KCNG3: variants seen among roughly 807,000 people sequenced by gnomAD.
KCNG3 encodes potassium voltage-gated channel modifier subfamily G member 3, also known as voltage-gated potassium channel regulatory subunit KCNG3.
A neutral mutation model predicts 29.0 loss-of-function variants in KCNG3; 15 were observed. That is an observed-to-expected ratio of 0.52 (90% CI 0.35 to 0.80). The LOEUF is 0.80. KCNG3 is among the 30% of genes least tolerant of loss of function. The pLI is 0.01. For synonymous variants in KCNG3, 322 were observed against 248.9 expected (o/e 1.29, Z -2.76); for missense variants, 512 against 605.7 (o/e 0.85, Z 1.62).
chr2:42,471,525 G>A (rs1051778874), intron 1 of KCNG3, among the ~76,000 whole-genome samples: 6 of 152,112 alleles, frequency 3.9e-5, no homozygotes, highest in Admixed American at 3.3e-4. Flanking sequence ...CTAACAAGTA[G>A]GTTTCTTTTT....
At chr2:42,396,697 T>C in the KCNG3 span, among the ~76,000 whole-genome samples, 3 of 152,072 alleles carry the variant, frequency 2.0e-5, no homozygotes, top group African/African-American at 7.2e-5. Flanking sequence ...GCAGGACAGA[T>C]TGAAGTTGGG....
chr2:42,480,519 G>A (rs945786389), intron 1 of KCNG3, among the ~76,000 whole-genome samples: 5 of 152,112 alleles, frequency 3.3e-5, no homozygotes, highest in Non-Finnish European at 7.4e-5. Context: ...AAAGTAGTAG[G>A]AAAGCTGCCA....
chr2:42,395,648 A>C, the KCNG3 span, among the ~76,000 whole-genome samples: 6 of 152,172 alleles, frequency 3.9e-5, no homozygotes, highest in African/African-American at 2.4e-5. Context: ...TAAATTGAAA[A>C]TGTTGTAAAT....
At chr2:42,462,861 T>G (rs922748473) in intron 1 of KCNG3, among the ~76,000 whole-genome samples, 2 of 152,144 alleles carry the variant, frequency 1.3e-5, no homozygotes, top group Non-Finnish European at 2.9e-5. Flanking sequence ...ATAATCATCT[T>G]CCACTTGCAG....
Position 42,452,239 on chromosome 2 carries a change from ATATATT to A in KCNG3, c.666-7666_666-7661del, listed in dbSNP as rs1269711390. On this transcript the variant is annotated intron_variant, in intron 1 of 1. Coordinates refer to ENST00000306078, the MANE Select transcript of KCNG3 (RefSeq NM_133329.6). ...GTGGTAAATATATATATATATATAT[ATATATT>A]TTTTTTTTTTTTTTAAAGGAAACAG... Among the ~76,000 whole-genome samples the A allele has an allele frequency of 9.7e-3, 670 of 69,236 alleles. 4 individuals carry two copies. Among genetic ancestry groups the A allele is most frequent in the African/African-American group, 0.032 (634 of 20,084 alleles). 45.4% of individuals were successfully genotyped at this position (69,236 alleles called of 152,430 possible). A position where few individuals can be genotyped will look rare whatever the true frequency, so the allele number is the denominator to read the frequency against.
chr2:42,422,140 G>A, the KCNG3 span, among the ~76,000 whole-genome samples: 1 of 152,154 alleles, frequency 6.6e-6, no homozygotes, highest in East Asian at 1.9e-4. Flanking sequence ...ATTACCAATT[G>A]CTACGGTTTG....
the KCNG3 span, among the ~76,000 whole-genome samples, chr2:42,421,960 G>C: frequency 1.8e-3 from 267 of 152,248 alleles, no homozygotes; most frequent in African/African-American, 6.3e-3. Flanking sequence ...TGGTAACCAA[G>C]ATGTTATTAC....
intron 1 of KCNG3, among the ~76,000 whole-genome samples, chr2:42,458,051 T>C (rs1302449686): frequency 2.0e-5 from 3 of 152,190 alleles, no homozygotes; most frequent in Non-Finnish European, 4.4e-5. Flanking sequence ...TGGATGTCCC[T>C]ATATAGCTAC....
At chr2:42,471,587 G>A (rs1452848418) in intron 1 of KCNG3, among the ~76,000 whole-genome samples, 9 of 152,048 alleles carry the variant, frequency 5.9e-5, no homozygotes, top group East Asian at 1.9e-4. Flanking sequence ...AATGTAGTGC[G>A]TATCATAAAA....
chr2:42,399,598 A>G, the KCNG3 span, among the ~76,000 whole-genome samples: 6 of 152,194 alleles, frequency 3.9e-5, no homozygotes, highest in Admixed American at 1.3e-4. Flanking sequence ...AAAATTTCAG[A>G]AACAAACTAG....
At chr2:42,416,552 G>C in the KCNG3 span, among the ~76,000 whole-genome samples, 6 of 152,134 alleles carry the variant, frequency 3.9e-5, no homozygotes, top group Non-Finnish European at 7.4e-5. Flanking sequence ...ATTTAGGCTG[G>C]GCACGGTGGC....
At chr2:42,472,307 G>A (rs541843713) in intron 1 of KCNG3, among the ~76,000 whole-genome samples, 25 of 152,258 alleles carry the variant, frequency 1.6e-4, no homozygotes, top group Middle Eastern at 6.8e-3. Flanking sequence ...GAACTAAAAA[G>A]GCAAGCTCTG....
At chr2:42,407,763 T>C in the KCNG3 span, among the ~76,000 whole-genome samples, 2 of 151,318 alleles carry the variant, frequency 1.3e-5, no homozygotes, top group African/African-American at 4.9e-5. Context: ...CCCTGTGCTC[T>C]TGCAGGTGCC....
At chr2:42,428,458 G>GAAAAAAAAAAA in the KCNG3 span, among the ~76,000 whole-genome samples, 5 of 104,520 alleles carry the variant, frequency 4.8e-5, no homozygotes, top group Non-Finnish European at 5.7e-5. Flanking sequence ...CCCGGTCTCG[G>GAAAAAAAAAAA]GAAAAAAAAA....
At position 42,444,988 on chromosome 2, in the gene KCNG3, C is replaced by A. The variant is rs1672565149; in HGVS notation, c.666-409G>T. On this transcript the variant is annotated intron_variant, in intron 1 of 1. Transcript: ENST00000306078. The surrounding 1 kb of genome is among the most constrained non-coding windows in gnomAD (Gnocchi z 5.8). ...GGCTAAGGTGGGAGGATCACCTGAG[C>A]CTGGGAAGGTCAAGGCCAGAGTGAG... Among the ~76,000 whole-genome samples, 1 of 151,200 alleles carries A rather than the reference C, an allele frequency of 6.6e-6. No homozygotes were observed. Among genetic ancestry groups the A allele is most frequent in the Non-Finnish European group, 1.5e-5 (1 of 67,900 alleles).
the KCNG3 span, among the ~76,000 whole-genome samples, chr2:42,425,804 G>A: frequency 6.6e-6 from 1 of 152,190 alleles, no homozygotes. Flanking sequence ...CTGACCAACA[G>A]AGACATTGTC....
At chr2:42,396,876 TA>T in the KCNG3 span, among the ~76,000 whole-genome samples, 10 of 151,958 alleles carry the variant, frequency 6.6e-5, no homozygotes, top group African/African-American at 2.2e-4. Context: ...TTTGTTATAG[TA>T]AAAAAAATTA....
At chr2:42,413,409 G>T in the KCNG3 span, among the ~76,000 whole-genome samples, 11 of 151,874 alleles carry the variant, frequency 7.2e-5, no homozygotes, top group Non-Finnish European at 1.2e-4. Flanking sequence ...TGGCCATCTT[G>T]TTTTTTTCTA....
rs1558371718 is a variant in KCNG3, at chr2:42,442,561, T to G, written c.*1373A>C. ...TTGATAAATATATCCAGGTCCTCCA[T>G]CACCCACCACTTCCCAATCCCTGTC... is the stretch of plus-strand genomic sequence containing the variant. On this transcript the variant is annotated 3_prime_UTR_variant, in exon 2 of 2. Coordinates refer to ENST00000306078, the MANE Select transcript of KCNG3 (RefSeq NM_133329.6). The G allele has an allele frequency of 6.6e-6, 1 of 152,206 alleles. No individual in the cohort carries two copies. The highest frequency in any genetic ancestry group is 2.4e-5 in the African/African-American group (1 of 41,440). The allele number at this position is 152,206 out of a possible 1,614,324, so 9.4% of individuals were successfully genotyped here.
Sources: gnomAD v4.1 joint callset for allele counts (sites outside exome capture counted in the v4.1 genomes callset) on GRCh38, gnomAD v4.1.1 for gene constraint, Gnocchi (gnomAD v3.1) non-coding constraint, MANE v1.5 for transcripts, NCBI Gene and HGNC (gene_info 2026-07-23, HGNC 2026-07-21) for gene names.